The following CDH23 variants were observed in gnomAD, a reference collection of about 807,000 sequenced individuals.
CDH23 encodes the protein cadherin related 23, also known as cadherin-23.
Under a neutral mutation model 317.1 loss-of-function variants are expected in CDH23, and 189 were observed. That is an observed-to-expected ratio of 0.60 (90% CI 0.53 to 0.67). CDH23 has a LOEUF of 0.67. Among genes scored for constraint, CDH23 ranks in the 30% least tolerant of loss-of-function variants. The probability of loss-of-function intolerance (pLI) is 0.00; values close to 1 mark genes in which losing one functional copy is unlikely to be tolerated. For synonymous variants in CDH23, 1,839 were observed against 1,876.8 expected (o/e 0.98, Z 0.52); for missense variants, 4,401 against 4,592.4 (o/e 0.96, Z 1.20).
At position 71,687,735 on chromosome 10, in the gene CDH23, G is replaced by A. The variant is rs749745643; in HGVS notation, c.2059+16G>A. 82 of 1,610,542 alleles carry A rather than the reference G, an allele frequency of 5.1e-5. No individual in the cohort carries two copies. The highest frequency in any genetic ancestry group is 3.3e-4 in the Middle Eastern group (2 of 6,078). On this transcript the variant is annotated intron_variant, in intron 19 of 69. Transcript: ENST00000224721. ...ATCATGGCAGGTACAGGCTCAGGTC[G>A]GGGGGTGGGGGGCACATGGAGGTAG...
In CDH23 at chr10:71,799,170, G is replaced by A. The variant is rs550770402; in HGVS notation, c.7114G>A (p.Val2372Met). Reference protein sequence around the residue: ...YEEVHWLNFTVRASDNGSPPR... With the variant: ...YEEVHWLNFTMRASDNGSPPR... Reference sequence around the variant, plus strand: ...GGAGGTGCACTGGCTCAACTTTACCGTGAGGGCCTCAGACAACGGGTCCCC... The same window carrying A: ...GGAGGTGCACTGGCTCAACTTTACCATGAGGGCCTCAGACAACGGGTCCCC... Residue 2372 changes from valine to methionine, a missense_variant, in exon 51 of 70, where the codon GTG (valine) becomes ATG (methionine). By Grantham distance (21) the Val-to-Met change is conservative. Around this residue, in one of 3 missense-constraint regions of CDH23, gnomAD observed 189 missense variants for 250.9 expected, o/e 0.75. Transcript: ENST00000224721. 55 of 1,613,932 alleles carry A rather than the reference G, an allele frequency of 3.4e-5. No homozygotes were observed. Among genetic ancestry groups the A allele is most frequent in the South Asian group, 2.2e-4 (20 of 91,096 alleles).
chr10:71,471,415 T>A (rs891131241), intron 3 of CDH23, among the ~76,000 whole-genome samples: 1 of 152,190 alleles, frequency 6.6e-6, no homozygotes, highest in African/African-American at 2.4e-5. Context: ...ACTGTGATTG[T>A]GCCTTCTCTG....
At chr10:71,654,682 C>T (rs1427020477) in intron 14 of CDH23, among the ~76,000 whole-genome samples, 4 of 152,156 alleles carry the variant, frequency 2.6e-5, no homozygotes, top group African/African-American at 7.2e-5. Flanking sequence ...GCCCTTGGCT[C>T]ATTTGGCTGA....
intron 6 of CDH23, among the ~76,000 whole-genome samples, chr10:71,531,416 TA>T (rs1450241885): frequency 6.6e-6 from 1 of 152,260 alleles, no homozygotes; most frequent in East Asian, 1.9e-4. Context: ...CACATGTCTC[TA>T]AAAATATTGT....
intron 11 of CDH23, among the ~76,000 whole-genome samples, chr10:71,627,941 C>T (rs1484478981): frequency 1.3e-5 from 2 of 152,204 alleles, no homozygotes; most frequent in African/African-American, 2.4e-5. Context: ...TCTTGGCTGG[C>T]TTGTACCCTC....
At chr10:71,689,001 G>GTCAAGTGCCGTGGAC (rs1865053427) in intron 19 of CDH23, among the ~76,000 whole-genome samples, 2 of 105,316 alleles carry the variant, frequency 1.9e-5, no homozygotes, top group Non-Finnish European at 4.3e-5. Context: ...GGATGGTGGA[G>GTCAAGTGCCGTGGAC]CCAGGGGTGG....
chr10:71,494,967 G>C (rs1305812917), intron 3 of CDH23, among the ~76,000 whole-genome samples: 4 of 152,124 alleles, frequency 2.6e-5, no homozygotes. Context: ...AATGGAGAAT[G>C]AGCCCAGTGA....
At chr10:71,798,642 G>A in intron 50 of CDH23, 64 bp downstream of exon 50, 1 of 1,295,724 alleles carries the variant, frequency 7.7e-7, no homozygotes, top group East Asian at 2.5e-5. Flanking sequence ...TAGTCCCCAA[G>A]AGAGACCACA....
At chr10:71,678,913 C>A (rs1013033987) in intron 16 of CDH23, among the ~76,000 whole-genome samples, 1 of 152,150 alleles carries the variant, frequency 6.6e-6, no homozygotes, top group African/African-American at 2.4e-5. Flanking sequence ...ATGAAGCTGA[C>A]GGTCTAAGTG....
chr10:71,584,486 G>A (rs1173369732), intron 9 of CDH23, among the ~76,000 whole-genome samples: 2 of 151,832 alleles, frequency 1.3e-5, no homozygotes, highest in East Asian at 1.9e-4. Flanking sequence ...GGTACATTGA[G>A]TGCTTTAAAA....
chr10:71,814,269 G>A (rs564721681), intron 69 of CDH23, among the ~76,000 whole-genome samples: 1 of 152,216 alleles, frequency 6.6e-6, no homozygotes, highest in Non-Finnish European at 1.5e-5. Flanking sequence ...AAGATTCTCA[G>A]CCAGATGTGG....
intron 6 of CDH23, among the ~76,000 whole-genome samples, chr10:71,547,930 G>A (rs909325155): frequency 2.0e-5 from 3 of 152,226 alleles, no homozygotes; most frequent in African/African-American, 4.8e-5. Flanking sequence ...GCCACTTGGC[G>A]TGCTTGACTC....
At chr10:71,413,048 T>C (rs1415819344) in intron 1 of CDH23, among the ~76,000 whole-genome samples, 1 of 152,240 alleles carries the variant, frequency 6.6e-6, no homozygotes, top group African/African-American at 2.4e-5. Flanking sequence ...ATCCAATAAA[T>C]CATTGCTAAA....
At chr10:71,705,158 G>A (rs1564744767) in intron 25 of CDH23, 28 bp downstream of exon 25, 1 of 1,585,706 alleles carries the variant, frequency 6.3e-7, no homozygotes, top group Non-Finnish European at 8.6e-7. Context: ...CTTCTGCTGT[G>A]TGCTCAGTGT....
At chr10:71,562,569 G>A (rs1354215096) in intron 6 of CDH23, among the ~76,000 whole-genome samples, 1 of 152,238 alleles carries the variant, frequency 6.6e-6, no homozygotes, top group East Asian at 1.9e-4. Flanking sequence ...CCATGGAAAT[G>A]AGGAGGCCCT....
chr10:71,441,532 A>G (rs1849879115), intron 2 of CDH23, among the ~76,000 whole-genome samples: 1 of 152,140 alleles, frequency 6.6e-6, no homozygotes, highest in Non-Finnish European at 1.5e-5. Flanking sequence ...CAGCCTGGCA[A>G]ACATGGCACA....
chr10:71,617,133 A>T, intron 10 of CDH23, 72 bp from the exon 11 acceptor site: 1 of 1,526,318 alleles, frequency 6.6e-7, no homozygotes. Flanking sequence ...GTGCTGAGAA[A>T]GTCTTTGGTA....
chr10:71,704,542 G>C (rs1218873070), intron 24 of CDH23, among the ~76,000 whole-genome samples: 1 of 152,160 alleles, frequency 6.6e-6, no homozygotes, highest in East Asian at 1.9e-4. Context: ...TTGAACTCCA[G>C]ATAATGGTGG....
intron 11 of CDH23, among the ~76,000 whole-genome samples, chr10:71,624,485 G>A (rs10999919): frequency 0.049 from 7,453 of 152,192 alleles, 405 homozygotes; most frequent in East Asian, 0.29. Flanking sequence ...CTCACAGAGC[G>A]TCTATCAGGA....
Sources: allele counts gnomAD v4.1 joint callset (sites outside exome capture counted in the v4.1 genomes callset), GRCh38; gene constraint gnomAD v4.1.1; regional missense constraint gnomAD v4.1.1; transcripts MANE v1.5; gene names NCBI Gene and HGNC (gene_info 2026-07-23, HGNC 2026-07-21).